The following CISD2 variants were observed in gnomAD, a reference collection of about 807,000 sequenced individuals.
The protein encoded by CISD2 is CDGSH iron-sulfur domain-containing protein 2.
CISD2 carries 1 observed loss-of-function variant against 12.9 expected under a neutral mutation model. That is an observed-to-expected ratio of 0.08 (90% CI 0.03 to 0.37). CISD2 has a LOEUF of 0.37. Among genes scored for constraint, CISD2 ranks in the 10% least tolerant of loss-of-function variants. The probability of loss-of-function intolerance (pLI) is 0.99; values close to 1 mark genes in which losing one functional copy is unlikely to be tolerated. For missense variants in CISD2, 97 were observed against 163.1 expected, an observed-to-expected ratio of 0.59 and a Z score of 2.21; for synonymous variants, 50 against 60.6, an observed-to-expected ratio of 0.83 and a Z score of 0.81.
At position 102,869,192 on chromosome 4, in the gene CISD2, T is replaced by G. The variant is rs201461508; in HGVS notation, c.103+5T>G. 6.4e-5 allele frequency: 102 copies of G among 1,598,854 alleles called. No individual in the cohort carries two copies. The highest frequency in any genetic ancestry group is 8.4e-5 in the Non-Finnish European group (99 of 1,173,032). On this transcript the variant is annotated splice_donor_5th_base_variant and intron_variant, in intron 1 of 2. Coordinates refer to ENST00000273986, the MANE Select transcript of CISD2 (RefSeq NM_001008388.5). ...CCGGGTTCGCTAGGCTCACAGGTAA[T>G]CCTCCCCCATCAGCCAGTCCCCATC...
chr4:102,876,730 C>T (rs113252807), intron 1 of CISD2, among the ~76,000 whole-genome samples: 275 of 151,022 alleles, frequency 1.8e-3, no homozygotes, highest in African/African-American at 6.5e-3. Context: ...AGCGTGGTGA[C>T]AGAGTAAGAC....
chr4:102,891,076 T>C lies in CISD2; in HGVS notation c.*3646T>C, dbSNP rs544946357. ...AGATCCAGAACAAGGAAATGATGTA[T>C]GTGTTTACATATTACATCTACTTTA... On this transcript the variant is annotated 3_prime_UTR_variant, in exon 3 of 3. Transcript: ENST00000273986. 1 of 151,360 alleles carries C rather than the reference T, an allele frequency of 6.6e-6. No individual in the cohort carries two copies. Among genetic ancestry groups the C allele is most frequent in the South Asian group, 2.1e-4 (1 of 4,828 alleles). 9.4% of individuals were successfully genotyped at this position (151,360 alleles called of 1,614,324 possible). A position where few individuals can be genotyped will look rare whatever the true frequency, so the allele number is the denominator to read the frequency against.
intron 1 of CISD2, among the ~76,000 whole-genome samples, chr4:102,875,110 A>G (rs1392219392): frequency 2.0e-5 from 3 of 152,226 alleles, no homozygotes; most frequent in African/African-American, 7.2e-5. Context: ...ATTAAATTCT[A>G]ACAATACTAT....
At chr4:102,876,211 G>A (rs1471863869) in intron 1 of CISD2, among the ~76,000 whole-genome samples, 1 of 152,152 alleles carries the variant, frequency 6.6e-6, no homozygotes, top group Non-Finnish European at 1.5e-5. Context: ...AGTAAATATT[G>A]TTGAACAAAT....
intron 1 of CISD2, among the ~76,000 whole-genome samples, chr4:102,872,251 G>A (rs1041370528): frequency 6.6e-6 from 1 of 152,024 alleles, no homozygotes; most frequent in Admixed American, 6.6e-5. Context: ...TGTATTTTTA[G>A]TAGAGACGGA....
At chr4:102,879,703 C>T (rs990377537) in intron 1 of CISD2, among the ~76,000 whole-genome samples, 1 of 151,986 alleles carries the variant, frequency 6.6e-6, no homozygotes, top group East Asian at 1.9e-4. Context: ...ACCCGGGAGG[C>T]AGAGGTTGCA....
rs1734052280 is a variant in CISD2, at chr4:102,888,435, A to G, written c.*1005A>G. On this transcript the variant is annotated 3_prime_UTR_variant, in exon 3 of 3. Coordinates refer to ENST00000273986, the MANE Select transcript of CISD2 (RefSeq NM_001008388.5). ...CATGAGTTTCACATCCCATGCACAA[A>G]TGCTGATCTGTGTGACCTCACCTGC... The G allele has an allele frequency of 6.6e-6, 1 of 152,160 alleles. No individual in the cohort carries two copies. The highest frequency in any genetic ancestry group is 2.1e-4 in the South Asian group (1 of 4,832). 9.4% of individuals were successfully genotyped at this position (152,160 alleles called of 1,614,324 possible). A position where few individuals can be genotyped will look rare whatever the true frequency, so the allele number is the denominator to read the frequency against.
intron 1 of CISD2, among the ~76,000 whole-genome samples, chr4:102,877,157 C>T (rs562702068): frequency 6.6e-6 from 1 of 152,328 alleles, no homozygotes; most frequent in African/African-American, 2.4e-5. Flanking sequence ...AACAGTCCTC[C>T]AGAGTCTTAA....
At chr4:102,869,260 A>G in intron 1 of CISD2, 73 bp downstream of exon 1, 1 of 1,535,394 alleles carries the variant, frequency 6.5e-7, no homozygotes, top group Non-Finnish European at 8.8e-7. Context: ...TAAAAATCCT[A>G]GGGCCAAGGG....
At chr4:102,880,059 C>T (rs1733679049) in intron 1 of CISD2, among the ~76,000 whole-genome samples, 1 of 152,118 alleles carries the variant, frequency 6.6e-6, no homozygotes, top group African/African-American at 2.4e-5. Flanking sequence ...TCTCCTGCCT[C>T]AGCCTCCTGA....
chr4:102,871,313 A>G (rs1401190247), intron 1 of CISD2, among the ~76,000 whole-genome samples: 2 of 152,192 alleles, frequency 1.3e-5, no homozygotes, highest in Non-Finnish European at 2.9e-5. Flanking sequence ...AAACTCAACC[A>G]AAACCTTTTC....
intron 1 of CISD2, among the ~76,000 whole-genome samples, chr4:102,872,257 AC>A (rs1487675176): frequency 6.6e-6 from 1 of 152,026 alleles, no homozygotes; most frequent in Non-Finnish European, 1.5e-5. Flanking sequence ...TTTAGTAGAG[AC>A]GGAGTTTCAC....
At chr4:102,883,685 A>G (rs559255318) in intron 1 of CISD2, among the ~76,000 whole-genome samples, 1 of 152,222 alleles carries the variant, frequency 6.6e-6, no homozygotes, top group Non-Finnish European at 1.5e-5. Context: ...CAAAGAACCT[A>G]TTTGGAGTGT....
chr4:102,873,201 A>G (rs181775091), intron 1 of CISD2, among the ~76,000 whole-genome samples: 2 of 152,310 alleles, frequency 1.3e-5, no homozygotes, highest in Admixed American at 1.3e-4. Flanking sequence ...ATGAGATTTC[A>G]GTGGGGACAC....
At chr4:102,873,983 G>A (rs556108712) in intron 1 of CISD2, among the ~76,000 whole-genome samples, 33 of 151,868 alleles carry the variant, frequency 2.2e-4, no homozygotes, top group Admixed American at 1.0e-3. Context: ...AAAATTAGCC[G>A]GGTGTGGTAG....
At chr4:102,885,941 A>C (rs1422711946) in intron 2 of CISD2, among the ~76,000 whole-genome samples, 1 of 152,204 alleles carries the variant, frequency 6.6e-6, no homozygotes, top group Non-Finnish European at 1.5e-5. Flanking sequence ...ATGATTTTTA[A>C]TGTGGGAAGG....
At position 102,876,407 on chromosome 4, in the gene CISD2, A is replaced by G. The variant is rs1432960329; in HGVS notation, c.103+7220A>G. On this transcript the variant is annotated intron_variant, in intron 1 of 2. Coordinates refer to ENST00000273986, the MANE Select transcript of CISD2 (RefSeq NM_001008388.5). ...CTACTGTATTTGCATTTAGCACAGT[A>G]TCTCTACATAGTAGGTGTATTAGTC... is the stretch of plus-strand genomic sequence containing the variant. Among the ~76,000 whole-genome samples, 9 of 152,322 alleles carry G rather than the reference A, an allele frequency of 5.9e-5. No homozygotes were observed. The South Asian group carries it at 1.7e-3, about 28-fold the overall frequency.
intron 1 of CISD2, among the ~76,000 whole-genome samples, chr4:102,870,273 A>C (rs1165772409): frequency 6.6e-6 from 1 of 152,228 alleles, no homozygotes; most frequent in Non-Finnish European, 1.5e-5. Context: ...CAAATTAGTG[A>C]AGGTTATTGG....
chr4:102,871,287 A>T (rs1733440244), intron 1 of CISD2, among the ~76,000 whole-genome samples: 1 of 152,242 alleles, frequency 6.6e-6, no homozygotes, highest in Admixed American at 6.5e-5. Context: ...TTTAATTCCT[A>T]TTAAAGACAT....
Sources: allele counts gnomAD v4.1 joint callset (sites outside exome capture counted in the v4.1 genomes callset), GRCh38; gene constraint gnomAD v4.1.1; transcripts MANE v1.5; gene names NCBI Gene and HGNC (gene_info 2026-07-23, HGNC 2026-07-21).